MED13L: variants seen among roughly 807,000 people sequenced by gnomAD.
The protein encoded by MED13L is mediator complex subunit 13L.
A neutral mutation model predicts 220.9 loss-of-function variants in MED13L; 7 were observed. The ratio of observed to expected loss-of-function variants is 0.03; its 90% confidence interval spans 0.02 to 0.06. The LOEUF (loss-of-function observed/expected upper bound fraction) is 0.06. Ranked by LOEUF, MED13L falls within the 10% of genes least tolerant of loss-of-function variation. The pLI, the probability that MED13L is intolerant of heterozygous loss-of-function variation, is 1.00. For missense variants in MED13L, 1,965 were observed against 2,760.5 expected, an observed-to-expected ratio of 0.71 and a Z score of 6.46; for synonymous variants, 1,011 against 1,015.2, an observed-to-expected ratio of 1.00 and a Z score of 0.08.
intron 2 of MED13L, among the ~76,000 whole-genome samples, chr12:116,229,733 TATTA>T (rs1199382616): frequency 6.6e-6 from 1 of 152,236 alleles, no homozygotes; most frequent in Non-Finnish European, 1.5e-5. Context: ...AATATGAATG[TATTA>T]TTTATCAGTC....
chr12:116,030,045 T>C (rs867459826), intron 4 of MED13L, among the ~76,000 whole-genome samples: 1 of 152,302 alleles, frequency 6.6e-6, no homozygotes, highest in African/African-American at 2.4e-5. Context: ...CTCTGCTCAC[T>C]GCAACCTCCA....
In MED13L at chr12:116,076,071, G is replaced by A. The variant is rs191427122; in HGVS notation, c.479+20598C>T. 1.4e-3 allele frequency among the ~76,000 whole-genome samples: 210 copies of A among 151,894 alleles called. 1 individual carries two copies. Among genetic ancestry groups the A allele is most frequent in the African/African-American group, 4.8e-3 (198 of 41,428 alleles). On this transcript the variant is annotated intron_variant, in intron 4 of 30. Transcript: ENST00000281928. ...TGGGACTACAGGCGCCCGCTACCAC[G>A]CCCGGCTAATTTTTTGTATTTTTAG...
chr12:116,262,900 T>G (rs572418211), intron 1 of MED13L, among the ~76,000 whole-genome samples: 1 of 152,310 alleles, frequency 6.6e-6, no homozygotes, highest in South Asian at 2.1e-4. Context: ...AAGTAATTTG[T>G]AGACAACTAA....
At chr12:116,247,839 C>T (rs1441704737) in intron 1 of MED13L, among the ~76,000 whole-genome samples, 2 of 152,084 alleles carry the variant, frequency 1.3e-5, no homozygotes, top group African/African-American at 4.8e-5. Context: ...TATAAGGGCT[C>T]AGAGGTTTTA....
intron 4 of MED13L, among the ~76,000 whole-genome samples, chr12:116,047,445 A>G (rs1250776972): frequency 6.6e-6 from 1 of 152,190 alleles, no homozygotes; most frequent in East Asian, 1.9e-4. Flanking sequence ...AAGAAACACC[A>G]TTTCTTTCAT....
At position 116,007,323 on chromosome 12, in the gene MED13L, G is replaced by A. The variant is rs926940272; in HGVS notation, c.2238+88C>T. 8.1e-6 allele frequency: 10 copies of A among 1,230,822 alleles called. No homozygotes were observed. In the African/African-American group the frequency reaches 1.0e-4, roughly 13 times the overall value. 76.2% of individuals were successfully genotyped at this position (1,230,822 alleles called of 1,614,324 possible). A position where few individuals can be genotyped will look rare whatever the true frequency, so the allele number is the denominator to read the frequency against. The stretch of plus-strand genomic sequence containing the variant: ...GCAATCAGGCAAGACTATCTCAAAC[G>A]TTCTGCCTCCAAAGTCTTCCCACAC... On this transcript the variant is annotated intron_variant, in intron 11 of 30. Coordinates refer to ENST00000281928, the MANE Select transcript of MED13L (RefSeq NM_015335.5).
At chr12:115,982,694 C>G in intron 21 of MED13L, 91 bp from the exon 22 acceptor site, 1 of 1,106,480 alleles carries the variant, frequency 9.0e-7, no homozygotes, top group South Asian at 1.3e-5. Context: ...AGCACACAGG[C>G]TCCCTAAAGA....
chr12:116,115,118 A>C (rs1009422051), intron 2 of MED13L, among the ~76,000 whole-genome samples: 2 of 152,194 alleles, frequency 1.3e-5, no homozygotes, highest in Admixed American at 6.5e-5. Context: ...AATGTGGTAA[A>C]AGAAAAATAC....
intron 13 of MED13L, among the ~76,000 whole-genome samples, chr12:116,003,432 T>C (rs939078639): frequency 1.8e-4 from 28 of 152,162 alleles, no homozygotes; most frequent in East Asian, 1.6e-3. Flanking sequence ...TAACTGACAA[T>C]TGGTCTGGTT....
intron 3 of MED13L, among the ~76,000 whole-genome samples, chr12:116,108,743 T>C (rs1873817534): frequency 6.6e-6 from 1 of 152,218 alleles, no homozygotes; most frequent in African/African-American, 2.4e-5. Context: ...AATTGACTCC[T>C]GTAGGAGGGC....
chr12:116,265,712 C>T (rs1381993583), intron 1 of MED13L, among the ~76,000 whole-genome samples: 1 of 152,274 alleles, frequency 6.6e-6, no homozygotes, highest in South Asian at 2.1e-4. Context: ...AAATTTTCCA[C>T]CTAATAAAAA....
chr12:116,213,865 A>G (rs992448221), intron 2 of MED13L, among the ~76,000 whole-genome samples: 1 of 152,214 alleles, frequency 6.6e-6, no homozygotes, highest in African/African-American at 2.4e-5. Context: ...TTCAGCTACC[A>G]GTTAGAAAAA....
chr12:116,097,096 A>G (rs1872692748), intron 3 of MED13L, among the ~76,000 whole-genome samples: 1 of 152,206 alleles, frequency 6.6e-6, no homozygotes, highest in African/African-American at 2.4e-5. Context: ...TTAGGAATAC[A>G]GCATTTCTTA....
rs527601183 is a variant in MED13L, at chr12:116,199,087, T to A, written c.310+38381A>T. Among the ~76,000 whole-genome samples the A allele has an allele frequency of 3.2e-3, 492 of 152,276 alleles. 4 individuals are homozygous for A. The highest frequency in any genetic ancestry group is 0.011 in the African/African-American group (458 of 41,558). ...GACCCATTTAGAGAAAAAGTTACCA[T>A]GTTCTTATTTGCTTGTTCTTTCTCC... On this transcript the variant is annotated intron_variant, in intron 2 of 30. Coordinates refer to ENST00000281928, the MANE Select transcript of MED13L (RefSeq NM_015335.5).
At chr12:116,105,043 T>C (rs1172928492) in intron 3 of MED13L, among the ~76,000 whole-genome samples, 1 of 152,240 alleles carries the variant, frequency 6.6e-6, no homozygotes, top group Non-Finnish European at 1.5e-5. Context: ...TGGTATATTA[T>C]GAAAACTTAT....
At chr12:116,113,596 C>T (rs1874267223) in intron 2 of MED13L, among the ~76,000 whole-genome samples, 1 of 149,910 alleles carries the variant, frequency 6.7e-6, no homozygotes, top group Admixed American at 6.7e-5. Flanking sequence ...GTCAAGGTTG[C>T]GGCAAGCCAT....
chr12:116,078,933 A>G (rs1307318910), intron 4 of MED13L, among the ~76,000 whole-genome samples: 2 of 152,248 alleles, frequency 1.3e-5, no homozygotes, highest in African/African-American at 4.8e-5. Context: ...AAACTATTTC[A>G]GAATGACATC....
intron 2 of MED13L, among the ~76,000 whole-genome samples, chr12:116,203,792 G>C (rs1882149431): frequency 6.6e-6 from 1 of 152,110 alleles, no homozygotes; most frequent in African/African-American, 2.4e-5. Context: ...CTGCACTCCA[G>C]CCTGGGCAAT....
At chr12:116,211,542 G>A (rs776761553) in intron 2 of MED13L, among the ~76,000 whole-genome samples, 5 of 151,966 alleles carry the variant, frequency 3.3e-5, no homozygotes, top group Non-Finnish European at 7.4e-5. Flanking sequence ...ACTAAGTATC[G>A]GCCTACAAGG....
Sources: allele counts gnomAD v4.1 joint callset (sites outside exome capture counted in the v4.1 genomes callset), GRCh38; gene constraint gnomAD v4.1.1; transcripts MANE v1.5; gene names NCBI Gene and HGNC (gene_info 2026-07-23, HGNC 2026-07-21).